Variants in SLC12A1 observed in about 807,000 individuals in gnomAD.
SLC12A1 encodes the protein solute carrier family 12 member 1.
A neutral mutation model predicts 130.4 loss-of-function variants in SLC12A1; 89 were observed. That is an observed-to-expected ratio of 0.68 (90% CI 0.58 to 0.81). SLC12A1 has a LOEUF of 0.81. SLC12A1 is among the 40% of genes least tolerant of loss of function. The pLI, the probability that SLC12A1 is intolerant of heterozygous loss-of-function variation, is 0.00. For missense variants in SLC12A1, 1,310 were observed against 1,336.4 expected, an observed-to-expected ratio of 0.98 and a Z score of 0.31; for synonymous variants, 499 against 460.0, an observed-to-expected ratio of 1.08 and a Z score of -1.09.
intron 17 of SLC12A1, among the ~76,000 whole-genome samples, chr15:48,264,976 A>G (rs1048686049): frequency 3.9e-5 from 6 of 152,146 alleles, no homozygotes; most frequent in African/African-American, 7.2e-5. Flanking sequence ...TAATTTATAT[A>G]CTCATATTTT....
intron 20 of SLC12A1, among the ~76,000 whole-genome samples, chr15:48,283,435 C>T (rs2042027728): frequency 6.6e-6 from 1 of 152,220 alleles, no homozygotes; most frequent in South Asian, 2.1e-4. Flanking sequence ...TCTGTCTCAG[C>T]TTTAATACCA....
intron 25 of SLC12A1, among the ~76,000 whole-genome samples, chr15:48,299,544 T>A (rs530052106): frequency 1.3e-5 from 2 of 152,340 alleles, no homozygotes; most frequent in East Asian, 3.9e-4. Flanking sequence ...TCAAATTTAA[T>A]TTTAAAGAGC....
intron 8 of SLC12A1, among the ~76,000 whole-genome samples, chr15:48,234,052 A>AG (rs1459427854): frequency 6.6e-6 from 1 of 152,242 alleles, no homozygotes; most frequent in African/African-American, 2.4e-5. Context: ...AATATCTAGG[A>AG]GTAAAAAGTA....
At chr15:48,241,351 C>T (rs2041513189) in intron 9 of SLC12A1, among the ~76,000 whole-genome samples, 164 bp from the exon 10 acceptor site, 1 of 152,146 alleles carries the variant, frequency 6.6e-6, no homozygotes, top group South Asian at 2.1e-4. Context: ...TGTCTTTGTC[C>T]AAAATAAAGC....
At chr15:48,295,560 C>T (rs1365583817) in intron 24 of SLC12A1, among the ~76,000 whole-genome samples, 2 of 152,134 alleles carry the variant, frequency 1.3e-5, no homozygotes, top group Admixed American at 6.5e-5. Flanking sequence ...CTGATGTCCA[C>T]CATGTTAATT....
chr15:48,248,452 T>C (rs1057402537), intron 13 of SLC12A1, among the ~76,000 whole-genome samples: 1 of 152,274 alleles, frequency 6.6e-6, no homozygotes, highest in African/African-American at 2.4e-5. Context: ...TAAAGTCTTG[T>C]ATACATTAGA....
chr15:48,225,801 C>A (rs1431420481), intron 4 of SLC12A1: 9 of 547,242 alleles, frequency 1.6e-5, no homozygotes, highest in African/African-American at 4.1e-5. Flanking sequence ...GTAAATGATC[C>A]AATGAATTCT....
chr15:48,269,753 G>A lies in SLC12A1; in HGVS notation c.2391G>A (p.Val797=), dbSNP rs1248292496. 3.8e-6 allele frequency: 6 copies of A among 1,585,990 alleles called. No homozygotes were observed. Among genetic ancestry groups the A allele is most frequent in the South Asian group, 1.1e-5 (1 of 90,382 alleles). ...KAPLTEIENY[V]GIIHDAFDFE... ...CCTTGACAGAGATTGAGAACTACGT[G>A]GGAATCATACAGTAAGTGATGGCTT... The change falls in exon 19 of 27, where the codon GTG becomes GTA. Residue 797 remains valine (V), a synonymous_variant. Coordinates refer to ENST00000380993, the MANE Select transcript of SLC12A1 (RefSeq NM_000338.3).
At chr15:48,281,330 A>C (rs2141106269) in intron 20 of SLC12A1, among the ~76,000 whole-genome samples, 1 of 152,340 alleles carries the variant, frequency 6.6e-6, no homozygotes, top group South Asian at 2.1e-4. Flanking sequence ...AAATGGCGTA[A>C]GTTCTGCCCT....
At position 48,226,379 on chromosome 15, in the gene SLC12A1, C is replaced by T. The variant is rs1473400956; in HGVS notation, c.629-97C>T. ...ACCCCGTTGGAGCCCGAGGCATGGACCTGAAAACTTAAGTTAAAGGCAGTG... is the reference window on the plus strand; with the variant it reads ...ACCCCGTTGGAGCCCGAGGCATGGATCTGAAAACTTAAGTTAAAGGCAGTG... On this transcript the variant is annotated intron_variant, in intron 4 of 26. Coordinates refer to ENST00000380993, the MANE Select transcript of SLC12A1 (RefSeq NM_000338.3). The T allele has an allele frequency of 8.6e-5, 61 of 712,658 alleles. 1 individual carries two copies. In the South Asian group the frequency reaches 9.7e-4, roughly 11 times the overall value. The allele number at this position is 712,658 out of a possible 1,614,324, so 44.1% of individuals were successfully genotyped here.
intron 18 of SLC12A1, 41 bp from the exon 19 acceptor site, chr15:48,269,617 G>A: frequency 9.5e-7 from 1 of 1,052,234 alleles, no homozygotes; most frequent in Non-Finnish European, 1.5e-6. Context: ...TAGTTTCCCA[G>A]TACGGTAAGG....
chr15:48,284,184 T>C (rs3784618), intron 20 of SLC12A1, among the ~76,000 whole-genome samples: 16,708 of 152,270 alleles, frequency 0.11, 1,049 homozygotes, highest in Middle Eastern at 0.16. Context: ...CAGCTTTTAT[T>C]TCTTTGACTT....
intron 16 of SLC12A1, among the ~76,000 whole-genome samples, chr15:48,258,700 C>T (rs552972877): frequency 1.6e-4 from 24 of 152,198 alleles, no homozygotes; most frequent in African/African-American, 3.1e-4. Flanking sequence ...TCTACCAGTA[C>T]GAATTTTAGT....
At chr15:48,271,723 G>A (rs2041900955) in intron 19 of SLC12A1, among the ~76,000 whole-genome samples, 1 of 152,146 alleles carries the variant, frequency 6.6e-6, no homozygotes, top group Non-Finnish European at 1.5e-5. Flanking sequence ...CTGTCATCTG[G>A]CTCCTGCTGG....
chr15:48,301,003 T>G (rs1413905458), intron 25 of SLC12A1, among the ~76,000 whole-genome samples: 2 of 152,210 alleles, frequency 1.3e-5, no homozygotes, highest in African/African-American at 4.8e-5. Flanking sequence ...CTCCTTGTAG[T>G]GTAGGAAGAG....
chr15:48,300,002 C>G (rs772339367), intron 25 of SLC12A1, among the ~76,000 whole-genome samples: 9 of 152,152 alleles, frequency 5.9e-5, no homozygotes, highest in Non-Finnish European at 1.0e-4. Context: ...TCTCATTGTA[C>G]TTTAAGTATA....
chr15:48,293,939 G>A (rs2042146376), intron 24 of SLC12A1, among the ~76,000 whole-genome samples: 1 of 151,904 alleles, frequency 6.6e-6, no homozygotes, highest in African/African-American at 2.4e-5. Flanking sequence ...TCAGGAGGCT[G>A]AGGCAGGTGA....
intron 5 of SLC12A1, chr15:48,227,087 G>A (rs1051746115): frequency 1.5e-5 from 23 of 1,551,772 alleles, no homozygotes; most frequent in Non-Finnish European, 1.8e-5. Context: ...AGGTCTTGGA[G>A]TCATCATCAT....
intron 15 of SLC12A1, among the ~76,000 whole-genome samples, chr15:48,252,694 G>A (rs2041661561): frequency 6.6e-6 from 1 of 151,124 alleles, no homozygotes; most frequent in Admixed American, 6.6e-5. Flanking sequence ...AATAAATGAG[G>A]GGTTTTTTAA....
Sources: allele counts gnomAD v4.1 joint callset (sites outside exome capture counted in the v4.1 genomes callset), GRCh38; gene constraint gnomAD v4.1.1; transcripts MANE v1.5; gene names NCBI Gene and HGNC (gene_info 2026-07-23, HGNC 2026-07-21).